Variants in GALNT13 observed in about 807,000 individuals in gnomAD.
GALNT13 encodes the protein UDP-GalNAc:polypeptide N-acetylgalactosaminyltransferase 13.
In GALNT13, 28 loss-of-function variants were observed where a neutral mutation model predicts 64.2. The ratio of observed to expected loss-of-function variants is 0.44; its 90% CI spans 0.32 to 0.60. GALNT13 has a LOEUF of 0.60. Ranked by LOEUF, GALNT13 falls within the 20% of genes least tolerant of loss-of-function variation. The probability of loss-of-function intolerance (pLI) is 0.05; values close to 1 mark genes in which losing one functional copy is unlikely to be tolerated. For missense variants in GALNT13, 577 were observed against 669.8 expected, an observed-to-expected ratio of 0.86 and a Z score of 1.53; for synonymous variants, 214 against 224.6, an observed-to-expected ratio of 0.95 and a Z score of 0.42.
intron 5 of GALNT13, 30 bp downstream of exon 5, chr2:154,242,226 GT>G (rs759260336): frequency 1.6e-5 from 25 of 1,589,222 alleles, no homozygotes; most frequent in African/African-American, 2.7e-5. Context: ...TTTTGTTTTT[GT>G]TTTTTTGTTT....
At chr2:153,465,125 C>T in the GALNT13 span, among the ~76,000 whole-genome samples, 2 of 152,150 alleles carry the variant, frequency 1.3e-5, no homozygotes, top group Admixed American at 6.5e-5. Context: ...CATGTCTCCA[C>T]ATGTCTGTGT....
At chr2:153,502,256 C>T in the GALNT13 span, among the ~76,000 whole-genome samples, 1 of 152,144 alleles carries the variant, frequency 6.6e-6, no homozygotes, top group African/African-American at 2.4e-5. Context: ...CCCCTTCCCC[C>T]AAGCTCCAAA....
chr2:154,369,694 T>C (rs1574177637), intron 9 of GALNT13, among the ~76,000 whole-genome samples: 1 of 152,136 alleles, frequency 6.6e-6, no homozygotes, highest in Non-Finnish European at 1.5e-5. Context: ...GGGGCAGATA[T>C]TCGAATCACA....
chr2:153,712,341 T>A, the GALNT13 span, among the ~76,000 whole-genome samples: 1 of 152,198 alleles, frequency 6.6e-6, no homozygotes, highest in Non-Finnish European at 1.5e-5. Flanking sequence ...TCACTGAGAT[T>A]TAAGACATTA....
At chr2:153,315,211 C>A in the GALNT13 span, among the ~76,000 whole-genome samples, 1 of 152,208 alleles carries the variant, frequency 6.6e-6, no homozygotes, top group East Asian at 1.9e-4. Flanking sequence ...AGAACAAAAT[C>A]TAATAGACAT....
At chr2:153,725,399 A>G in the GALNT13 span, among the ~76,000 whole-genome samples, 12 of 150,990 alleles carry the variant, frequency 7.9e-5, no homozygotes, top group African/African-American at 2.4e-4. Context: ...TGGCACATGT[A>G]TACATATGTA....
chr2:153,955,978 C>G (rs1180477665), intron 3 of GALNT13, among the ~76,000 whole-genome samples: 1 of 152,194 alleles, frequency 6.6e-6, no homozygotes, highest in Non-Finnish European at 1.5e-5. Flanking sequence ...ACACTGCCTT[C>G]AGCACACCCT....
chr2:154,425,473 A>G (rs1700430518), intron 11 of GALNT13, among the ~76,000 whole-genome samples: 1 of 152,216 alleles, frequency 6.6e-6, no homozygotes, highest in South Asian at 2.1e-4. Context: ...TGAGACTGGC[A>G]TAAAGGGAAA....
At chr2:154,109,373 A>G (rs1702803565) in intron 3 of GALNT13, among the ~76,000 whole-genome samples, 1 of 152,090 alleles carries the variant, frequency 6.6e-6, no homozygotes, top group Non-Finnish European at 1.5e-5. Flanking sequence ...TATTTCTAAC[A>G]ATATTTTTGG....
At chr2:154,153,389 C>T (rs1418725857) in intron 4 of GALNT13, among the ~76,000 whole-genome samples, 1 of 152,156 alleles carries the variant, frequency 6.6e-6, no homozygotes, top group Non-Finnish European at 1.5e-5. Context: ...GTCAGGGACC[C>T]ACTTGAGGAG....
At chr2:154,066,354 GAT>G (rs1036826259) in intron 3 of GALNT13, among the ~76,000 whole-genome samples, 2 of 152,006 alleles carry the variant, frequency 1.3e-5, no homozygotes, top group Non-Finnish European at 2.9e-5. Context: ...CATGGAAAAA[GAT>G]ATCAGTATTC....
chr2:154,338,487 A>G (rs974734523), intron 9 of GALNT13, among the ~76,000 whole-genome samples: 2 of 152,208 alleles, frequency 1.3e-5, no homozygotes, highest in South Asian at 4.1e-4. Flanking sequence ...AGACATGGAA[A>G]TTACTATCTT....
chr2:153,615,324 T>C, the GALNT13 span, among the ~76,000 whole-genome samples: 1 of 152,120 alleles, frequency 6.6e-6, no homozygotes, highest in Non-Finnish European at 1.5e-5. Flanking sequence ...TAAACAATGC[T>C]GCAACAAACA....
the GALNT13 span, among the ~76,000 whole-genome samples, chr2:153,721,093 T>C: frequency 6.7e-6 from 1 of 148,442 alleles, no homozygotes; most frequent in Non-Finnish European, 1.5e-5. Flanking sequence ...GGGAAGCCCA[T>C]CAGACTAACA....
the GALNT13 span, among the ~76,000 whole-genome samples, chr2:153,552,575 CTTTTTTTTTTTTTTT>C: frequency 2.9e-5 from 2 of 69,318 alleles, no homozygotes; most frequent in Admixed American, 1.8e-4. Context: ...GCTTCTTCTT[CTTTTTTTTTTTTTTT>C]TTTTTTTTTT....
At chr2:154,075,768 A>G (rs1291403002) in intron 3 of GALNT13, among the ~76,000 whole-genome samples, 1 of 150,130 alleles carries the variant, frequency 6.7e-6, no homozygotes, top group African/African-American at 2.4e-5. Flanking sequence ...CTTTTGTTTT[A>G]TTTTTGTTTG....
chr2:153,630,091 G>T, the GALNT13 span, among the ~76,000 whole-genome samples: 2 of 149,336 alleles, frequency 1.3e-5, no homozygotes, highest in Admixed American at 6.7e-5. Context: ...TCAGTGTGGC[G>T]ATTCCTCAGG....
chr2:153,753,315 G>C, the GALNT13 span, among the ~76,000 whole-genome samples: 2 of 152,154 alleles, frequency 1.3e-5, no homozygotes, highest in African/African-American at 4.8e-5. Context: ...ATGTTCATCT[G>C]TGGCTGGGCA....
At chr2:154,207,239 C>T (rs1347629170) in intron 4 of GALNT13, among the ~76,000 whole-genome samples, 2 of 152,154 alleles carry the variant, frequency 1.3e-5, no homozygotes, top group African/African-American at 4.8e-5. Context: ...GCCTCCCCTA[C>T]CTCCTGCTAC....
Sources: gnomAD v4.1 joint callset for allele counts (sites outside exome capture counted in the v4.1 genomes callset) on GRCh38, gnomAD v4.1.1 for gene constraint, MANE v1.5 for transcripts, NCBI Gene and HGNC (gene_info 2026-07-23, HGNC 2026-07-21) for gene names.